Variants in KPNA2 observed in about 807,000 individuals in gnomAD.
KPNA2 encodes the protein karyopherin subunit alpha 2.
A neutral mutation model predicts 53.7 loss-of-function variants in KPNA2; 20 were observed. The observed-to-expected ratio is 0.37, with a 90% CI of 0.26 to 0.54. The LOEUF is 0.54. Among genes scored for constraint, KPNA2 ranks in the 20% least tolerant of loss-of-function variants. KPNA2 has a pLI of 0.83. For synonymous variants in KPNA2, 238 were observed against 227.5 expected, an observed-to-expected ratio of 1.05 and a Z score of -0.42; for missense variants, 515 against 640.3, an observed-to-expected ratio of 0.80 and a Z score of 2.11.
At position 68,037,125 on chromosome 17, in the gene KPNA2, T is replaced by A. The variant is rs782245821; in HGVS notation, c.-8T>A. On this transcript the variant is annotated 5_prime_UTR_variant, in exon 2 of 11. Coordinates refer to ENST00000330459, the MANE Select transcript of KPNA2 (RefSeq NM_002266.4). ...CATCTTTTAGCTTTCTCCCTTTGTC[T>A]CATAACCATGTCCACCAACGAGAAT... 1 of 1,606,734 alleles carries A rather than the reference T, an allele frequency of 6.2e-7. No individual in the cohort carries two copies. The highest frequency in any genetic ancestry group is 8.5e-7 in the Non-Finnish European group (1 of 1,176,118).
At position 68,044,379 on chromosome 17, in the gene KPNA2, G is replaced by T. The variant is rs1555705141; in HGVS notation, c.1223G>T (p.Gly408Val). The T allele has an allele frequency of 6.2e-7, 1 of 1,613,932 alleles. No individual in the cohort carries two copies. Among genetic ancestry groups the T allele is most frequent in the African/African-American group, 1.3e-5 (1 of 74,926 alleles). Residue 408 changes from glycine to valine, a missense_variant, in exon 9 of 11, where the codon GGA (glycine) becomes GTA (valine). Coordinates refer to ENST00000330459, the MANE Select transcript of KPNA2 (RefSeq NM_002266.4). The stretch of plus-strand genomic sequence containing the variant: ...GCCGTGACCAACTATACCAGTGGTG[G>T]AACAGTTGAACAGATTGTGTACCTT... ...VWAVTNYTSGGTVEQIVYLVH... is the reference protein window; with the variant it reads ...VWAVTNYTSGVTVEQIVYLVH...
At position 68,046,747 on chromosome 17, in the gene KPNA2, T is replaced by C; in HGVS notation, c.*151T>C. The C allele has an allele frequency of 1.8e-6, 1 of 558,866 alleles. No homozygotes were observed. Among genetic ancestry groups the C allele is most frequent in the East Asian group, 2.9e-5 (1 of 33,972 alleles). 34.6% of individuals were successfully genotyped at this position (558,866 alleles called of 1,614,324 possible). A position where few individuals can be genotyped will look rare whatever the true frequency, so the allele number is the denominator to read the frequency against. On this transcript the variant is annotated 3_prime_UTR_variant, in exon 11 of 11. Coordinates refer to ENST00000330459, the MANE Select transcript of KPNA2 (RefSeq NM_002266.4). ...TTGAACAGTTCCAACTGTACATACA[T>C]ACTGTATGAAGCTTGTCCTCTGACT...
At chr17:68,041,901 A>G (rs970394214) in intron 4 of KPNA2, among the ~76,000 whole-genome samples, 184 bp from the exon 5 acceptor site, 1 of 152,232 alleles carries the variant, frequency 6.6e-6, no homozygotes, top group African/African-American at 2.4e-5. Context: ...TATACCGCAT[A>G]CATAGCACCA....
rs782561469 is a variant in KPNA2 at position 68,044,280 on chromosome 17, G to A, written c.1165-41G>A. 1.9e-6 allele frequency: 3 copies of A among 1,545,082 alleles called. No homozygotes were observed. In the Admixed American group the frequency reaches 5.6e-5, roughly 29 times the overall value. On this transcript the variant is annotated intron_variant, in intron 8 of 10. Coordinates refer to ENST00000330459, the MANE Select transcript of KPNA2 (RefSeq NM_002266.4). The stretch of plus-strand genomic sequence containing the variant: ...AAAGTACTCTTGGAATCTTATTTGT[G>A]CAACTGTTCTGAAATAAAACCATTT...
chr17:68,036,943 C>T, intron 1 of KPNA2, 167 bp from the exon 2 acceptor site: 1 of 560,604 alleles, frequency 1.8e-6, no homozygotes, highest in Non-Finnish European at 3.2e-6. Context: ...AAGGGGGACA[C>T]TTCCCCTTTG....
intron 5 of KPNA2, 93 bp from the exon 6 acceptor site, chr17:68,042,812 C>T (rs184557678): frequency 4.4e-5 from 42 of 948,762 alleles, no homozygotes; most frequent in African/African-American, 2.7e-4. Flanking sequence ...TGCAGTGAGC[C>T]GAGATCGCGC....
intron 3 of KPNA2, among the ~76,000 whole-genome samples, chr17:68,039,367 C>G (rs532512206): frequency 1.3e-5 from 2 of 151,670 alleles, no homozygotes; most frequent in African/African-American, 4.8e-5. Context: ...GTGATCCACC[C>G]GCCTCGGCCT....
At chr17:68,042,883 T>C (rs1010605373) in intron 5 of KPNA2, 22 bp from the exon 6 acceptor site, 3 of 1,490,768 alleles carry the variant, frequency 2.0e-6, no homozygotes, top group East Asian at 4.6e-5. Flanking sequence ...AAAAAAAAAA[T>C]TAATCTTGCC....
chr17:68,044,114 A>T (rs782150363), intron 8 of KPNA2, 43 bp downstream of exon 8: 16 of 1,519,184 alleles, frequency 1.1e-5, no homozygotes, highest in Non-Finnish European at 1.5e-5. Flanking sequence ...TTTAGTATTT[A>T]TAGAAAGCTG....
At chr17:68,041,471 A>G (rs1264735636) in intron 4 of KPNA2, among the ~76,000 whole-genome samples, 1 of 152,166 alleles carries the variant, frequency 6.6e-6, no homozygotes, top group African/African-American at 2.4e-5. Context: ...AGGCACAATA[A>G]TCACTTGAAC....
rs145443880 is a variant in KPNA2, at chr17:68,045,690, C to G, written c.1348-82C>G. ...AGGTGCTTATTTCTGCCTGACGTAT[C>G]AATATTCAAATTATTGATGTTTTCT... On this transcript the variant is annotated intron_variant, in intron 9 of 10. Transcript: ENST00000330459. The G allele has an allele frequency of 3.2e-4, 323 of 1,022,094 alleles. 3 individuals are homozygous for G. The East Asian group carries it at 7.6e-3, about 24-fold the overall frequency. 63.3% of individuals were successfully genotyped at this position (1,022,094 alleles called of 1,614,324 possible). A position where few individuals can be genotyped will look rare whatever the true frequency, so the allele number is the denominator to read the frequency against.
intron 10 of KPNA2, among the ~76,000 whole-genome samples, chr17:68,046,195 G>T (rs373261442): frequency 6.6e-6 from 1 of 152,162 alleles, no homozygotes; most frequent in East Asian, 1.9e-4. Flanking sequence ...GGGTGTCATT[G>T]TAGGAGGTGA....
chr17:68,043,196 A>T lies in KPNA2; in HGVS notation c.763A>T (p.Thr255Ser), dbSNP rs140011802. 7.9e-5 allele frequency: 128 copies of T among 1,614,020 alleles called. No individual in the cohort carries two copies. The African/African-American group carries it at 1.5e-3, about 19-fold the overall frequency. The change falls in exon 7 of 11, where the codon ACC becomes TCC. Residue 255 changes from threonine to serine, a missense_variant. By Grantham distance (58) the Thr-to-Ser change is moderately conservative (BLOSUM62 1). Coordinates refer to ENST00000330459, the MANE Select transcript of KPNA2 (RefSeq NM_002266.4). ...PIDAVEQILP[T>S]LVRLLHHDDP... ...AGATGCTGTTGAGCAGATTCTTCCTACCTTAGTTCGGCTCCTGCATCATGA... is the reference window on the plus strand; with the variant it reads ...AGATGCTGTTGAGCAGATTCTTCCTTCCTTAGTTCGGCTCCTGCATCATGA...
intron 9 of KPNA2, 150 bp downstream of exon 9, chr17:68,044,653 A>G (rs2071307453): frequency 1.4e-6 from 1 of 697,774 alleles, no homozygotes; most frequent in Non-Finnish European, 2.5e-6. Flanking sequence ...TTGATTAAAA[A>G]TGAGGCAGGC....
chr17:68,037,996 A>G (rs1388076745), intron 3 of KPNA2, among the ~76,000 whole-genome samples: 1 of 151,862 alleles, frequency 6.6e-6, no homozygotes, highest in Non-Finnish European at 1.5e-5. Context: ...TGTTTCTTTG[A>G]GACAGAGTTT....
At position 68,039,189 on chromosome 17, in the gene KPNA2, T is replaced by G. The variant is rs192648923; in HGVS notation, c.214-1489T>G. Among the ~76,000 whole-genome samples, 189 of 152,160 alleles carry G rather than the reference T, an allele frequency of 1.2e-3. 1 individual carries two copies. The highest frequency in any genetic ancestry group is 4.5e-3 in the African/African-American group (186 of 41,532). Reference sequence around the variant, plus strand: ...AGGCTGGAGTGCAGTGGTACGATCTTGGCTGACTGCAGCCTCCGTCTCCTG... The same window carrying G: ...AGGCTGGAGTGCAGTGGTACGATCTGGGCTGACTGCAGCCTCCGTCTCCTG... On this transcript the variant is annotated intron_variant, in intron 3 of 10. Coordinates refer to ENST00000330459, the MANE Select transcript of KPNA2 (RefSeq NM_002266.4).
chr17:68,041,182 C>T (rs1227694791), intron 4 of KPNA2, among the ~76,000 whole-genome samples: 9 of 152,102 alleles, frequency 5.9e-5, no homozygotes, highest in South Asian at 2.1e-4. Flanking sequence ...TCCCACTATA[C>T]GTGGATATTT....
intron 7 of KPNA2, 80 bp from the exon 8 acceptor site, chr17:68,043,758 T>C: frequency 1.2e-6 from 1 of 851,826 alleles, no homozygotes; most frequent in East Asian, 2.4e-5. Context: ...GATGGGCCTC[T>C]TGTTAAAACT....
At chr17:68,036,995 C>T in intron 1 of KPNA2, 115 bp from the exon 2 acceptor site, 2 of 743,748 alleles carry the variant, frequency 2.7e-6, no homozygotes, top group Non-Finnish European at 4.7e-6. Flanking sequence ...ATGATCCCCC[C>T]TCTAGTATAC....
Sources: gnomAD v4.1 joint callset for allele counts (sites outside exome capture counted in the v4.1 genomes callset) on GRCh38, gnomAD v4.1.1 for gene constraint, MANE v1.5 for transcripts, NCBI Gene and HGNC (gene_info 2026-07-23, HGNC 2026-07-21) for gene names.